RAF1: variants seen among roughly 807,000 people sequenced by gnomAD.
RAF1 encodes the protein Raf-1 proto-oncogene, serine/threonine kinase.
In RAF1, 27 loss-of-function variants were observed where a neutral mutation model predicts 81.1. The observed-to-expected ratio is 0.33, with a 90% CI of 0.25 to 0.46. The LOEUF is 0.46. Ranked by LOEUF, RAF1 falls within the 20% of genes least tolerant of loss-of-function variation. The pLI is 1.00. For synonymous variants in RAF1, 298 were observed against 294.0 expected, an observed-to-expected ratio of 1.01 and a Z score of -0.14; for missense variants, 598 against 826.0, an observed-to-expected ratio of 0.72 and a Z score of 3.38.
chr3:12,639,881 A>G (rs1371391230), intron 1 of RAF1, among the ~76,000 whole-genome samples: 2 of 152,146 alleles, frequency 1.3e-5, no homozygotes, highest in African/African-American at 2.4e-5. Context: ...TAAAGTTCAT[A>G]TGGAACCAAA....
intron 13 of RAF1, 124 bp downstream of exon 12, chr3:12,590,674 A>C: frequency 5.2e-6 from 6 of 1,147,210 alleles, no homozygotes; most frequent in South Asian, 1.3e-5. Flanking sequence ...AGCCCAGGCC[A>C]GAGGCTTGTG....
chr3:12,603,652 A>G, intron 7 of RAF1: 1 of 560,872 alleles, frequency 1.8e-6, no homozygotes, highest in Non-Finnish European at 3.2e-6. Context: ...GGACATAACC[A>G]AAAAGCCAAG....
intron 11 of RAF1, among the ~76,000 whole-genome samples, chr3:12,593,518 G>A (rs976834687): frequency 6.6e-6 from 1 of 152,138 alleles, no homozygotes; most frequent in Non-Finnish European, 1.5e-5. Context: ...CCTCCAAAGT[G>A]GCTCTCATCC....
intron 1 of RAF1, among the ~76,000 whole-genome samples, chr3:12,653,264 A>G (rs2060589681): frequency 1.3e-5 from 2 of 152,184 alleles, no homozygotes; most frequent in Admixed American, 1.3e-4. Context: ...CCTGGGTGAC[A>G]GAGTGAGACT....
intron 8 of RAF1, among the ~76,000 whole-genome samples, chr3:12,602,136 T>G (rs890049772): frequency 6.6e-6 from 1 of 152,248 alleles, no homozygotes; most frequent in Non-Finnish European, 1.5e-5. Context: ...ATCCCATATT[T>G]TATTCTGTGC....
intron 5 of RAF1, among the ~76,000 whole-genome samples, chr3:12,607,844 G>A (rs965581726): frequency 2.0e-5 from 3 of 150,706 alleles, no homozygotes; most frequent in South Asian, 2.1e-4. Context: ...TGAGCTACTC[G>A]GGAGGCTGAG....
At chr3:12,609,114 TA>T in intron 4 of RAF1, 118 bp downstream of exon 4, 1 of 1,036,608 alleles carries the variant, frequency 9.6e-7, no homozygotes, top group Non-Finnish European at 1.5e-6. Context: ...AACAACAGCA[TA>T]AAGAACTTTA....
rs33981119 is a variant in RAF1, at chr3:12,587,962, CTTTTTTTTTTTTTT to C, written c.1431-339_1431-326del. ...CCACAGGCATGTGCCACCATGCCGC[CTTTTTTTTTTTTTT>C]TTTTTTTTTGGGTAGATACAGGGTC... On this transcript the variant is annotated intron_variant, in intron 13 of 17. Transcript: ENST00000442415. 8.0e-5 allele frequency: 5 copies of C among 62,706 alleles called. No homozygotes were observed. The South Asian group carries it at 2.7e-3, about 34-fold the overall frequency. 3.9% of individuals were successfully genotyped at this position (62,706 alleles called of 1,614,324 possible). A position where few individuals can be genotyped will look rare whatever the true frequency, so the allele number is the denominator to read the frequency against.
chr3:12,600,193 C>T lies in RAF1; in HGVS notation c.1009G>A (p.Glu337Lys). Residue 337 changes from glutamate (E) to lysine (K), a missense_variant, in exon 10 of 18, where the codon GAG becomes AAG. Glu to Lys is a moderately conservative substitution (Grantham distance 56). Coordinates refer to ENST00000442415, the MANE Select transcript of RAF1 (RefSeq NM_001354689.3). The stretch of plus-strand genomic sequence containing the variant: ...TGGGTCCCAGATACTGGTGCCCGCT[C>T]TCTTTGTGCTGGCACGGGGGTTTTC... 1 of 1,614,216 alleles carries T rather than the reference C, an allele frequency of 6.2e-7. No homozygotes were observed. Among genetic ancestry groups the T allele is most frequent in the Non-Finnish European group, 8.5e-7 (1 of 1,180,044 alleles).
In RAF1 at chr3:12,604,240, T is replaced by G; in HGVS notation, c.730A>C (p.Ser244Arg). 6.2e-7 allele frequency: 1 copy of G among 1,614,172 alleles called. No homozygotes were observed. The highest frequency in any genetic ancestry group is 1.1e-5 in the South Asian group (1 of 91,082). The change falls in exon 7 of 18, where the codon AGT (serine) becomes CGT (arginine). Residue 244 changes from serine (S) to arginine (R), a missense_variant. Transcript: ENST00000442415. ...GAGAGGGAACCTTCAGATGAGGGAC[T>G]GGAGGTGTTAAAGGTGAAGGCGTGA... is the stretch of plus-strand genomic sequence containing the variant.
chr3:12,594,202 T>G (rs1268890691), intron 11 of RAF1, among the ~76,000 whole-genome samples: 1 of 152,056 alleles, frequency 6.6e-6, no homozygotes, highest in African/African-American at 2.4e-5. Context: ...AAAGAAGGGA[T>G]GAAGGTAAGA....
Position 12,587,837 on chromosome 3 carries a change from C to CTTTTTTTTT in RAF1, c.1431-209_1431-201dup, listed in dbSNP as rs374515740. On this transcript the variant is annotated intron_variant, in intron 13 of 17. Transcript: ENST00000442415. ...GGCCACAGCACAAACATGCTTACAC[C>CTTTTTTTTT]TTTTTTTTTTTTTTTTTGGAGACTG... 0.069 allele frequency: 13,406 copies of CTTTTTTTTT among 194,154 alleles called. 1,752 individuals carry two copies. Among genetic ancestry groups the CTTTTTTTTT allele is most frequent in the Non-Finnish European group, 0.096 (9,430 of 97,942 alleles). 12.0% of individuals were successfully genotyped at this position (194,154 alleles called of 1,614,324 possible). A position where few individuals can be genotyped will look rare whatever the true frequency, so the allele number is the denominator to read the frequency against.
At chr3:12,637,931 G>T (rs889937328) in intron 1 of RAF1, among the ~76,000 whole-genome samples, 1 of 151,978 alleles carries the variant, frequency 6.6e-6, no homozygotes, top group African/African-American at 2.4e-5. Flanking sequence ...ATTAGCACTC[G>T]AATTCTTTAA....
At chr3:12,631,260 A>C (rs2059850594) in intron 1 of RAF1, among the ~76,000 whole-genome samples, 1 of 152,152 alleles carries the variant, frequency 6.6e-6, no homozygotes, top group African/African-American at 2.4e-5. Context: ...GGGCAGAAGA[A>C]CTGTAAAATA....
At chr3:12,624,724 G>A (rs189130014) in intron 1 of RAF1, among the ~76,000 whole-genome samples, 129 of 151,996 alleles carry the variant, frequency 8.5e-4, no homozygotes, top group African/African-American at 2.9e-3. Context: ...CATGTTGGCC[G>A]GGCACAGTGG....
At chr3:12,659,262 T>C (rs909781282) in intron 1 of RAF1, among the ~76,000 whole-genome samples, 1 of 151,398 alleles carries the variant, frequency 6.6e-6, no homozygotes, top group African/African-American at 2.4e-5. Flanking sequence ...ACCTCGTCTC[T>C]ACTAAAAATA....
Position 12,585,667 on chromosome 3 carries a change from G to C in RAF1, c.1596+14C>G, listed in dbSNP as rs895399130. The C allele has an allele frequency of 8.8e-6, 14 of 1,585,408 alleles. No homozygotes were observed. The African/African-American group carries it at 1.7e-4, about 20-fold the overall frequency. ...CCTATACCAGAGACTGCTGGTGGGA[G>C]CCCAGATTCTCACCATCCAGAGGAC... On this transcript the variant is annotated intron_variant, in intron 15 of 17. Transcript: ENST00000442415.
chr3:12,602,398 TCTTA>T, intron 8 of RAF1, among the ~76,000 whole-genome samples: 1 of 152,266 alleles, frequency 6.6e-6, no homozygotes, highest in South Asian at 2.1e-4. Flanking sequence ...ACTCAAAAAT[TCTTA>T]CTTGACACAA....
intron 1 of RAF1, among the ~76,000 whole-genome samples, chr3:12,663,320 GC>G (rs2060942031): frequency 6.6e-6 from 1 of 152,110 alleles, no homozygotes; most frequent in Non-Finnish European, 1.5e-5. Flanking sequence ...CCAAGAAGAG[GC>G]CCCTGTGCCT....
Sources: gnomAD v4.1 joint callset for allele counts (sites outside exome capture counted in the v4.1 genomes callset) on GRCh38, gnomAD v4.1.1 for gene constraint, MANE v1.5 for transcripts, NCBI Gene and HGNC (gene_info 2026-07-23, HGNC 2026-07-21) for gene names.